The following C12orf42 variants were observed in gnomAD, a reference collection of about 807,000 sequenced individuals.
C12orf42 encodes the protein uncharacterized protein C12orf42.
Under a neutral mutation model 21.6 loss-of-function variants are expected in C12orf42, and 25 were observed. The ratio of observed to expected loss-of-function variants is 1.16; its 90% confidence interval spans 0.84 to 1.62. The LOEUF (loss-of-function observed/expected upper bound fraction) is 1.62. C12orf42 is among the 40% of genes most tolerant of loss of function. The pLI is 0.00. For missense variants in C12orf42, 483 were observed against 459.3 expected, an observed-to-expected ratio of 1.05 and a Z score of -0.47; for synonymous variants, 174 against 175.0, an observed-to-expected ratio of 0.99 and a Z score of 0.05.
At chr12:103,537,942 AT>A in the C12orf42 span, among the ~76,000 whole-genome samples, 1 of 152,236 alleles carries the variant, frequency 6.6e-6, no homozygotes, top group African/African-American at 2.4e-5. Context: ...TCTATTATGA[AT>A]TTGTAAAAAG....
intron 2 of C12orf42, among the ~76,000 whole-genome samples, chr12:103,472,273 C>T (rs1953688264): frequency 1.3e-5 from 2 of 151,918 alleles, no homozygotes; most frequent in South Asian, 4.1e-4. Context: ...CCAGGATGGT[C>T]TCGATCTCCT....
Position 103,467,437 on chromosome 12 carries a change from G to A in C12orf42, c.78+10912C>T, listed in dbSNP as rs534596862. On this transcript the variant is annotated intron_variant, in intron 2 of 5. Coordinates refer to ENST00000548883, the MANE Select transcript of C12orf42 (RefSeq NM_198521.5). ...TAAATTTTTCACACAGTGCACTTTGGAACTGTTCCCATCTCCAGATACAAT... is the reference window on the plus strand; with the variant it reads ...TAAATTTTTCACACAGTGCACTTTGAAACTGTTCCCATCTCCAGATACAAT... 5.5e-3 allele frequency among the ~76,000 whole-genome samples: 842 copies of A among 152,160 alleles called. 9 individuals are homozygous for A. The highest frequency in any genetic ancestry group is 0.02 in the African/African-American group (812 of 41,506).
the C12orf42 span, among the ~76,000 whole-genome samples, chr12:103,064,190 C>A: frequency 2.9e-4 from 44 of 152,290 alleles, no homozygotes; most frequent in Non-Finnish European, 1.5e-4. Context: ...TTTGTGAGGG[C>A]AGCACCTGCA....
At chr12:103,553,128 C>T in the C12orf42 span, among the ~76,000 whole-genome samples, 1 of 152,078 alleles carries the variant, frequency 6.6e-6, no homozygotes, top group African/African-American at 2.4e-5. Context: ...CTGTCCTGTG[C>T]ATTGCAGGGC....
intron 3 of C12orf42, among the ~76,000 whole-genome samples, chr12:103,385,023 T>TA (rs2046488499): frequency 6.6e-6 from 1 of 152,166 alleles, no homozygotes; most frequent in Non-Finnish European, 1.5e-5. Flanking sequence ...TAATTTCAGG[T>TA]AAAAATGCTC....
downstream of C12orf42, among the ~76,000 whole-genome samples, chr12:103,265,579 T>C (rs76908318): frequency 1.3e-5 from 2 of 152,298 alleles, no homozygotes; most frequent in East Asian, 3.9e-4. Context: ...GCTCCAAGGA[T>C]AGAAAGAAGG....
chr12:103,426,866 T>C (rs1434302993), intron 2 of C12orf42, among the ~76,000 whole-genome samples: 1 of 152,150 alleles, frequency 6.6e-6, no homozygotes, highest in South Asian at 2.1e-4. Context: ...CTAAGCTTCA[T>C]AAGTGAAGGA....
chr12:103,307,063 C>T (rs1481860408), intron 4 of C12orf42, among the ~76,000 whole-genome samples: 1 of 152,290 alleles, frequency 6.6e-6, no homozygotes, highest in South Asian at 2.1e-4. Context: ...GACCCGTGAA[C>T]ACCTTGATTT....
At chr12:103,381,342 G>A (rs2046152395) in intron 3 of C12orf42, among the ~76,000 whole-genome samples, 1 of 152,208 alleles carries the variant, frequency 6.6e-6, no homozygotes, top group Non-Finnish European at 1.5e-5. Flanking sequence ...ATTGTCAAAG[G>A]ATGCAAGCAC....
chr12:103,096,671 A>T, the C12orf42 span, among the ~76,000 whole-genome samples: 1 of 152,362 alleles, frequency 6.6e-6, no homozygotes, highest in Admixed American at 6.5e-5. Context: ...ATAATCAATA[A>T]ATACTTCTTA....
chr12:103,256,344 G>T (rs1000549293), intron 10 of C12orf42, among the ~76,000 whole-genome samples: 4 of 151,166 alleles, frequency 2.6e-5, no homozygotes, highest in Non-Finnish European at 5.9e-5. Flanking sequence ...CAATTAAATA[G>T]CAAAACCAAA....
chr12:103,427,759 G>A (rs554962491), intron 2 of C12orf42, among the ~76,000 whole-genome samples: 8 of 152,036 alleles, frequency 5.3e-5, no homozygotes, highest in South Asian at 2.1e-4. Flanking sequence ...GCAAAAGAAC[G>A]GAAATCATAA....
chr12:103,341,302 C>T (rs1417373530), intron 4 of C12orf42, among the ~76,000 whole-genome samples: 1 of 152,000 alleles, frequency 6.6e-6, no homozygotes, highest in Admixed American at 6.6e-5. Flanking sequence ...CTATAGTACA[C>T]TATGATCGCA....
At chr12:103,152,502 TA>T in the C12orf42 span, among the ~76,000 whole-genome samples, 1 of 151,932 alleles carries the variant, frequency 6.6e-6, no homozygotes. Context: ...ATAAACAAAA[TA>T]AATAAATAAA....
chr12:103,264,879 C>T (rs577826586), downstream of C12orf42, among the ~76,000 whole-genome samples: 1 of 152,128 alleles, frequency 6.6e-6, no homozygotes, highest in East Asian at 1.9e-4. Context: ...TATCTAGCTG[C>T]CTATGAGAAT....
the C12orf42 span, among the ~76,000 whole-genome samples, chr12:103,188,498 G>A: frequency 1.3e-5 from 2 of 152,068 alleles, no homozygotes; most frequent in Admixed American, 1.3e-4. Flanking sequence ...TATGCGATAT[G>A]GTTTGGATAT....
intron 4 of C12orf42, among the ~76,000 whole-genome samples, chr12:103,345,433 T>A (rs1009805712): frequency 6.6e-6 from 1 of 152,170 alleles, no homozygotes; most frequent in Non-Finnish European, 1.5e-5. Context: ...GATGTGCTCA[T>A]CATTATTATC....
the C12orf42 span, among the ~76,000 whole-genome samples, chr12:103,519,579 GA>G: frequency 2.0e-5 from 3 of 152,046 alleles, no homozygotes; most frequent in Non-Finnish European, 4.4e-5. Context: ...GACATTTTTG[GA>G]AAGGGGGCAC....
intron 3 of C12orf42, among the ~76,000 whole-genome samples, chr12:103,370,513 A>G (rs905634762): frequency 2.6e-5 from 4 of 152,162 alleles, no homozygotes; most frequent in Admixed American, 1.3e-4. Context: ...GATAAAGAAA[A>G]TGTGGTACAT....
Sources: allele counts gnomAD v4.1 joint callset (sites outside exome capture counted in the v4.1 genomes callset), GRCh38; gene constraint gnomAD v4.1.1; transcripts MANE v1.5; gene names NCBI Gene and HGNC (gene_info 2026-07-23, HGNC 2026-07-21).